KCNH8: variants seen among roughly 807,000 people sequenced by gnomAD.
KCNH8 encodes voltage-gated delayed rectifier potassium channel KCNH8.
Under a neutral mutation model 103.6 loss-of-function variants are expected in KCNH8, and 70 were observed. The ratio of observed to expected loss-of-function variants is 0.68; its 90% CI spans 0.56 to 0.82. KCNH8 has a LOEUF of 0.82. Among genes scored for constraint, KCNH8 ranks in the 40% least tolerant of loss-of-function variants. KCNH8 has a pLI of 0.00. For synonymous variants in KCNH8, 498 were observed against 489.4 expected (o/e 1.02, Z -0.23); for missense variants, 1,217 against 1,329.9 (o/e 0.92, Z 1.32).
intron 1 of KCNH8, among the ~76,000 whole-genome samples, chr3:19,157,193 T>C (rs1339885504): frequency 2.0e-5 from 3 of 152,214 alleles, no homozygotes; most frequent in African/African-American, 7.2e-5. Context: ...ATATCCAGTT[T>C]GACAAGAAGT....
chr3:19,474,346 G>A (rs918315626), intron 11 of KCNH8, among the ~76,000 whole-genome samples: 1 of 152,162 alleles, frequency 6.6e-6, no homozygotes, highest in South Asian at 2.1e-4. Flanking sequence ...TGCTCAGCAG[G>A]CAGATCTGGA....
chr3:19,454,144 C>CTGTGTGTGTGTGTG, intron 10 of KCNH8, among the ~76,000 whole-genome samples: 1 of 131,514 alleles, frequency 7.6e-6, no homozygotes. Context: ...AGTAAGGCTT[C>CTGTGTGTGTGTGTG]TGTGTGTGTG....
At chr3:19,504,978 T>C (rs566085699) in intron 11 of KCNH8, among the ~76,000 whole-genome samples, 29 of 151,210 alleles carry the variant, frequency 1.9e-4, no homozygotes, top group Middle Eastern at 3.5e-3. Context: ...TATATATATA[T>C]ATATACACAT....
At chr3:19,316,278 C>CA (rs769513175) in intron 3 of KCNH8, among the ~76,000 whole-genome samples, 18 of 151,778 alleles carry the variant, frequency 1.2e-4, no homozygotes, top group Non-Finnish European at 1.8e-4. Flanking sequence ...GTTCTCCACC[C>CA]ACTAAATGCC....
chr3:19,503,033 C>T (rs1262990194), intron 11 of KCNH8, among the ~76,000 whole-genome samples: 46 of 151,812 alleles, frequency 3.0e-4, no homozygotes, highest in Non-Finnish European at 4.9e-4. Context: ...ACTCATCTGA[C>T]AAAGGGCTAA....
intron 1 of KCNH8, among the ~76,000 whole-genome samples, chr3:19,166,057 C>T (rs2063280205): frequency 6.6e-6 from 1 of 152,110 alleles, no homozygotes; most frequent in Admixed American, 6.5e-5. Context: ...GGAATGATGC[C>T]CTCCCACAGT....
At chr3:19,484,948 G>T (rs1390118094) in intron 11 of KCNH8, among the ~76,000 whole-genome samples, 1 of 152,128 alleles carries the variant, frequency 6.6e-6, no homozygotes, top group African/African-American at 2.4e-5. Context: ...TTCTTAGAAG[G>T]AGTGCATTTA....
chr3:19,359,926 T>A (rs1574966087), intron 5 of KCNH8, among the ~76,000 whole-genome samples: 1 of 152,012 alleles, frequency 6.6e-6, no homozygotes, highest in Non-Finnish European at 1.5e-5. Flanking sequence ...AAGGGAAGAT[T>A]TTACTGGATA....
intron 3 of KCNH8, among the ~76,000 whole-genome samples, chr3:19,339,332 A>G (rs2065627128): frequency 6.6e-6 from 1 of 152,118 alleles, no homozygotes. Context: ...TTGTAATTCC[A>G]CTTGACATTT....
chr3:19,496,627 A>T (rs1192864365), intron 11 of KCNH8, among the ~76,000 whole-genome samples: 1 of 152,116 alleles, frequency 6.6e-6, no homozygotes, highest in African/African-American at 2.4e-5. Flanking sequence ...GTCTGTGTTC[A>T]TCAAGGATAT....
intron 11 of KCNH8, among the ~76,000 whole-genome samples, chr3:19,485,061 T>C (rs2068176206): frequency 6.6e-6 from 1 of 152,208 alleles, no homozygotes; most frequent in African/African-American, 2.4e-5. Flanking sequence ...TCACTCCACC[T>C]TTCCGGAACT....
At position 19,221,689 on chromosome 3, in the gene KCNH8, T is replaced by C. The variant is rs552881601; in HGVS notation, c.77-31965T>C. 1.7e-3 allele frequency among the ~76,000 whole-genome samples: 262 copies of C among 152,318 alleles called. 1 individual carries two copies. Among genetic ancestry groups the C allele is most frequent in the South Asian group, 2.7e-3 (13 of 4,822 alleles). On this transcript the variant is annotated intron_variant, in intron 1 of 15. Transcript: ENST00000328405. ...GTTAAATTTTGACAAGTCCTCTTGGTCCTAATGTATGAAAATGTCATATAA... is the reference window on the plus strand; with the variant it reads ...GTTAAATTTTGACAAGTCCTCTTGGCCCTAATGTATGAAAATGTCATATAA...
chr3:19,425,094 A>G (rs111255411), intron 7 of KCNH8, among the ~76,000 whole-genome samples: 33 of 152,330 alleles, frequency 2.2e-4, no homozygotes, highest in African/African-American at 7.9e-4. Context: ...AAAGGAAAAC[A>G]TTTAAAGTTT....
intron 1 of KCNH8, among the ~76,000 whole-genome samples, chr3:19,168,978 G>T (rs2363093): frequency 0.013 from 1,917 of 152,216 alleles, 48 homozygotes; most frequent in African/African-American, 0.044. Context: ...CCGCCAACAG[G>T]AGCAAGTCTG....
intron 3 of KCNH8, among the ~76,000 whole-genome samples, chr3:19,297,219 T>A (rs2065007939): frequency 6.6e-6 from 1 of 152,148 alleles, no homozygotes; most frequent in Non-Finnish European, 1.5e-5. Context: ...TGGAACACAT[T>A]TTTGAGAAGC....
chr3:19,220,143 A>G (rs2063857964), intron 1 of KCNH8, among the ~76,000 whole-genome samples: 1 of 152,184 alleles, frequency 6.6e-6, no homozygotes, highest in Admixed American at 6.5e-5. Context: ...CCTCTACCTC[A>G]TAGAATGTGG....
rs142950330 is a variant in KCNH8 at position 19,494,074 on chromosome 3, A to T, written c.2041-16289A>T. On this transcript the variant is annotated intron_variant, in intron 11 of 15. Coordinates refer to ENST00000328405, the MANE Select transcript of KCNH8 (RefSeq NM_144633.3). ...GTTTTCATTGTTTAGTGCCACTTAT[A>T]AGTGAGAACATGCAGTATGTGATTT... 9.4e-3 allele frequency among the ~76,000 whole-genome samples: 1,425 copies of T among 152,214 alleles called. 16 individuals carry two copies. The highest frequency in any genetic ancestry group is 0.032 in the African/African-American group (1,318 of 41,528).
At chr3:19,323,146 T>G (rs1169799606) in intron 3 of KCNH8, among the ~76,000 whole-genome samples, 1 of 152,146 alleles carries the variant, frequency 6.6e-6, no homozygotes, top group East Asian at 1.9e-4. Flanking sequence ...GCGTCCATGA[T>G]TGGCTTAATA....
At chr3:19,476,955 T>C (rs546670051) in intron 11 of KCNH8, among the ~76,000 whole-genome samples, 2 of 152,168 alleles carry the variant, frequency 1.3e-5, no homozygotes, top group South Asian at 4.1e-4. Flanking sequence ...TCTTATTGAC[T>C]GTATTCACAC....
Sources: gnomAD v4.1 joint callset for allele counts (sites outside exome capture counted in the v4.1 genomes callset) on GRCh38, gnomAD v4.1.1 for gene constraint, MANE v1.5 for transcripts, NCBI Gene and HGNC (gene_info 2026-07-23, HGNC 2026-07-21) for gene names.